The following BLMH variants were observed in gnomAD, a reference collection of about 807,000 sequenced individuals.
BLMH encodes the protein bleomycin hydrolase, also known as BLM hydrolase.
Under a neutral mutation model 61.6 loss-of-function variants are expected in BLMH, and 32 were observed. That is an observed-to-expected ratio of 0.52 (90% CI 0.39 to 0.70). The LOEUF (loss-of-function observed/expected upper bound fraction) is 0.70, where lower values mean the gene tolerates loss of function less well. BLMH is among the 30% of genes least tolerant of loss of function. The pLI, the probability that BLMH is intolerant of heterozygous loss-of-function variation, is 0.00. For missense variants in BLMH, 460 were observed against 555.5 expected (o/e 0.83, Z 1.73); for synonymous variants, 183 against 193.8 (o/e 0.94, Z 0.46).
At chr17:30,273,001 T>G in intron 7 of BLMH, 102 bp from the exon 8 acceptor site, 8 of 1,317,888 alleles carry the variant, frequency 6.1e-6, no homozygotes, top group Non-Finnish European at 8.4e-6. Flanking sequence ...TCATCATCTC[T>G]GCCTACAAGC....
At chr17:30,257,823 G>C (rs1907856047) in intron 11 of BLMH, among the ~76,000 whole-genome samples, 1 of 152,152 alleles carries the variant, frequency 6.6e-6, no homozygotes. Context: ...GCTTCTTCCA[G>C]TTGAGCACTC....
intron 6 of BLMH, among the ~76,000 whole-genome samples, chr17:30,275,150 G>C (rs146232918): frequency 0.012 from 1,800 of 152,162 alleles, 38 homozygotes; most frequent in African/African-American, 0.041. Context: ...CCAGGAGGCA[G>C]AGGTTGCAGT....
intron 11 of BLMH, among the ~76,000 whole-genome samples, chr17:30,256,325 T>C (rs1242359174): frequency 2.6e-5 from 4 of 152,198 alleles, no homozygotes; most frequent in African/African-American, 9.6e-5. Flanking sequence ...TCTAGCCTAC[T>C]AACAATTTTT....
Position 30,286,824 on chromosome 17 carries a change from AG to A in BLMH, c.541del (p.Leu181Ter). 1 of 1,585,178 alleles carries A rather than the reference AG, an allele frequency of 6.3e-7. No individual in the cohort carries two copies. Among genetic ancestry groups the A allele is most frequent in the Non-Finnish European group, 8.7e-7 (1 of 1,153,978 alleles). ...CTTCATATATTGTACCTTGTGATTC[AG>A]AATATCATTCATCCTTCTGGTTGCC... is the stretch of plus-strand genomic sequence containing the variant. ...TEATRRMNDI[L>X]NHKMREFCIR... On this transcript the variant is annotated frameshift_variant, in exon 5 of 12. Transcript: ENST00000261714. LOFTEE classifies it high-confidence loss of function.
intron 6 of BLMH, among the ~76,000 whole-genome samples, chr17:30,282,408 G>C (rs997118953): frequency 2.0e-5 from 3 of 152,058 alleles, no homozygotes; most frequent in African/African-American, 7.2e-5. Context: ...AGTAGAGACG[G>C]GGTTTTGCCA....
At chr17:30,278,334 G>A (rs982478550) in intron 6 of BLMH, among the ~76,000 whole-genome samples, 9 of 152,110 alleles carry the variant, frequency 5.9e-5, no homozygotes, top group South Asian at 4.2e-4. Flanking sequence ...ATACAGAATT[G>A]AGTAAAATAA....
chr17:30,272,429 C>A, intron 9 of BLMH, 132 bp downstream of exon 9: 1 of 966,936 alleles, frequency 1.0e-6, no homozygotes, highest in South Asian at 1.4e-5. Flanking sequence ...CTAAAGGATG[C>A]AAAGAAAGAG....
chr17:30,276,418 T>C (rs1014936593), intron 6 of BLMH, among the ~76,000 whole-genome samples: 2 of 152,246 alleles, frequency 1.3e-5, no homozygotes, highest in African/African-American at 4.8e-5. Flanking sequence ...ATTTACCATT[T>C]ACTGTAACTT....
intron 7 of BLMH, 46 bp downstream of exon 7, chr17:30,273,996 C>A: frequency 6.2e-7 from 1 of 1,604,504 alleles, no homozygotes; most frequent in Non-Finnish European, 8.5e-7. Context: ...TGGTTAACAG[C>A]CATTTGAAAG....
intron 2 of BLMH, among the ~76,000 whole-genome samples, chr17:30,290,753 G>C (rs1908863154): frequency 6.6e-6 from 1 of 152,192 alleles, no homozygotes; most frequent in African/African-American, 2.4e-5. Context: ...AGCAAAACGA[G>C]ACTTCTTGAC....
chr17:30,271,109 C>G (rs986169917), intron 10 of BLMH, among the ~76,000 whole-genome samples, 162 bp downstream of exon 10: 1 of 152,152 alleles, frequency 6.6e-6, no homozygotes, highest in Non-Finnish European at 1.5e-5. Flanking sequence ...CCTCTAAGCA[C>G]GCAGCCAAGC....
intron 10 of BLMH, among the ~76,000 whole-genome samples, chr17:30,268,336 C>T (rs989221599): frequency 8.6e-5 from 13 of 151,060 alleles, no homozygotes; most frequent in African/African-American, 3.0e-4. Context: ...CTGGAACTCC[C>T]TTATAGGGAT....
chr17:30,276,140 A>AAAC (rs973572954), intron 6 of BLMH, among the ~76,000 whole-genome samples: 3 of 128,140 alleles, frequency 2.3e-5, no homozygotes, highest in African/African-American at 3.5e-5. Context: ...ATGCTGTCAA[A>AAAC]AACAACAACA....
intron 6 of BLMH, among the ~76,000 whole-genome samples, chr17:30,274,520 T>C (rs942993243): frequency 6.6e-6 from 1 of 152,306 alleles, no homozygotes; most frequent in South Asian, 2.1e-4. Flanking sequence ...AAGATCTGAG[T>C]TGCTGCTCTG....
At chr17:30,271,227 A>C (rs1246708525) in intron 10 of BLMH, 44 bp downstream of exon 10, 21 of 1,337,830 alleles carry the variant, frequency 1.6e-5, no homozygotes, top group Non-Finnish European at 2.0e-5. Flanking sequence ...GAGAATGTAG[A>C]TCCATCTGTG....
chr17:30,274,012 A>G (rs756390997), intron 7 of BLMH, 30 bp downstream of exon 7: 1 of 1,612,498 alleles, frequency 6.2e-7, no homozygotes, highest in South Asian at 1.1e-5. Context: ...GAAAGTAAAC[A>G]GCCAGTGACT....
chr17:30,265,748 T>C (rs909925683), intron 11 of BLMH, among the ~76,000 whole-genome samples: 3 of 152,182 alleles, frequency 2.0e-5, no homozygotes, highest in African/African-American at 7.2e-5. Flanking sequence ...AAGAACTGGC[T>C]ATAAAATGCC....
chr17:30,277,568 C>A (rs116691607), intron 6 of BLMH, among the ~76,000 whole-genome samples: 1 of 152,160 alleles, frequency 6.6e-6, no homozygotes, highest in Admixed American at 6.5e-5. Flanking sequence ...AGTTATCCAA[C>A]GGTGGTAAAT....
chr17:30,273,531 C>T (rs1381547352), intron 7 of BLMH: 1 of 160,148 alleles, frequency 6.2e-6, no homozygotes, highest in Non-Finnish European at 1.3e-5. Context: ...AATCACAAGG[C>T]CCCTGTTCTC....
Sources: allele counts gnomAD v4.1 joint callset (sites outside exome capture counted in the v4.1 genomes callset), GRCh38; gene constraint gnomAD v4.1.1; transcripts MANE v1.5; gene names NCBI Gene and HGNC (gene_info 2026-07-23, HGNC 2026-07-21).